The following WWOX variants were observed in gnomAD, a reference collection of about 807,000 sequenced individuals.
WWOX encodes the protein WW domain containing oxidoreductase, also known as WW domain-containing oxidoreductase.
In WWOX, 69 loss-of-function variants were observed where a neutral mutation model predicts 46.2. The observed-to-expected ratio is 1.49, with a 90% CI of 1.23 to 1.82. WWOX has a LOEUF of 1.82. Ranked by LOEUF, WWOX falls within the 40% of genes most tolerant of loss-of-function variation. The pLI, the probability that WWOX is intolerant of heterozygous loss-of-function variation, is 0.00. For missense variants in WWOX, 919 were observed against 542.6 expected (o/e 1.69, Z -6.89); for synonymous variants, 359 against 202.6 (o/e 1.77, Z -6.56).
At chr16:78,427,265 C>CT (rs1405849197) in intron 7 of WWOX, among the ~76,000 whole-genome samples, 28 of 152,166 alleles carry the variant, frequency 1.8e-4, no homozygotes, top group Non-Finnish European at 4.1e-4. Context: ...TACTAGACTG[C>CT]TCCAAGGCAA....
In WWOX at chr16:78,967,847, T is replaced by A. The variant is rs150110366; in HGVS notation, c.1057-243761T>A. ...GGGAGAGGATGGGAGTGATGCCACATAAATCAACTCTGTTGCAGCCTCCGG... is the reference window on the plus strand; with the variant it reads ...GGGAGAGGATGGGAGTGATGCCACAAAAATCAACTCTGTTGCAGCCTCCGG... On this transcript the variant is annotated intron_variant, in intron 8 of 8. Coordinates refer to ENST00000566780, the MANE Select transcript of WWOX (RefSeq NM_016373.4). Among the ~76,000 whole-genome samples, 12 of 152,180 alleles carry A rather than the reference T, an allele frequency of 7.9e-5. No individual in the cohort carries two copies. The East Asian group carries it at 2.3e-3, about 30-fold the overall frequency.
chr16:78,224,111 T>TCCGTCTCCTGGGTTCACACCATTC lies in WWOX; in HGVS notation c.516+59822_516+59823insCCGTCTCCTGGGTTCACACCATTC, dbSNP rs2036976182. Among the ~76,000 whole-genome samples the TCCGTCTCCTGGGTTCACACCATTC allele has an allele frequency of 2.0e-5, 3 of 152,040 alleles. No homozygotes were observed. The East Asian group carries it at 5.8e-4, about 30-fold the overall frequency. ...CTCCGTCTCCTGGGTTCACACCATT[T>TCCGTCTCCTGGGTTCACACCATTC]TCCTGCCTCAGCCTCCCAAGTAGCT... On this transcript the variant is annotated intron_variant, in intron 5 of 8. Transcript: ENST00000566780.
At chr16:78,400,992 T>C (rs1284802208) in intron 6 of WWOX, among the ~76,000 whole-genome samples, 1 of 152,096 alleles carries the variant, frequency 6.6e-6, no homozygotes, top group Non-Finnish European at 1.5e-5. Flanking sequence ...CTGGCTAATT[T>C]TTATTTTTGT....
chr16:79,081,251 C>A (rs888928056), intron 8 of WWOX, among the ~76,000 whole-genome samples: 10 of 152,132 alleles, frequency 6.6e-5, no homozygotes, highest in Non-Finnish European at 1.5e-4. Context: ...GCAACTTCTG[C>A]CTCCCGTGTT....
chr16:78,838,271 A>C (rs1436585638), intron 8 of WWOX, among the ~76,000 whole-genome samples: 1 of 152,156 alleles, frequency 6.6e-6, no homozygotes, highest in African/African-American at 2.4e-5. Flanking sequence ...GCGTCAAAAA[A>C]AGACAGGGTA....
chr16:78,300,644 T>C (rs913571947), intron 5 of WWOX, among the ~76,000 whole-genome samples: 2 of 152,310 alleles, frequency 1.3e-5, no homozygotes, highest in Middle Eastern at 3.4e-3. Context: ...TTTCGGGAAA[T>C]GATTCATTAC....
chr16:79,117,786 C>T (rs1387208297), intron 8 of WWOX, among the ~76,000 whole-genome samples: 8 of 152,164 alleles, frequency 5.3e-5, no homozygotes, highest in Admixed American at 2.0e-4. Flanking sequence ...CCTCATGAAC[C>T]GACCTCTGCT....
intron 5 of WWOX, among the ~76,000 whole-genome samples, chr16:78,313,706 C>G (rs1405248551): frequency 6.6e-6 from 1 of 152,062 alleles, no homozygotes; most frequent in African/African-American, 2.4e-5. Context: ...GCTTTCTTCT[C>G]TGTCGATGTC....
chr16:78,518,970 T>C (rs1186659217), intron 8 of WWOX, among the ~76,000 whole-genome samples: 1 of 152,260 alleles, frequency 6.6e-6, no homozygotes, highest in Non-Finnish European at 1.5e-5. Context: ...AAAAACTTGC[T>C]TGTTTACTGT....
chr16:78,556,312 C>T (rs571052696), intron 8 of WWOX, among the ~76,000 whole-genome samples: 9 of 151,104 alleles, frequency 6.0e-5, no homozygotes, highest in South Asian at 2.1e-4. Context: ...AGACAGTCGG[C>T]GATTGGGAAC....
At chr16:79,117,893 G>T (rs1176858898) in intron 8 of WWOX, among the ~76,000 whole-genome samples, 1 of 152,192 alleles carries the variant, frequency 6.6e-6, no homozygotes, top group South Asian at 2.1e-4. Flanking sequence ...TTTGGCTTCA[G>T]GGAATGTTGT....
Position 78,623,866 on chromosome 16 carries a change from C to T in WWOX, c.1056+191114C>T, listed in dbSNP as rs190468619. The stretch of plus-strand genomic sequence containing the variant: ...GGACATTATTTAGACACACTTCCAC[C>T]TACAGAGTCACATATTGTATAGAAT... On this transcript the variant is annotated intron_variant, in intron 8 of 8. Transcript: ENST00000566780. 1.7e-3 allele frequency among the ~76,000 whole-genome samples: 262 copies of T among 152,244 alleles called. 1 individual carries two copies. The highest frequency in any genetic ancestry group is 6.1e-3 in the African/African-American group (254 of 41,538).
At chr16:79,149,454 C>T (rs1400491010) in intron 8 of WWOX, among the ~76,000 whole-genome samples, 1 of 152,004 alleles carries the variant, frequency 6.6e-6, no homozygotes, top group Non-Finnish European at 1.5e-5. Context: ...GATAGCTCAC[C>T]AACTTTTATT....
intron 8 of WWOX, among the ~76,000 whole-genome samples, chr16:78,942,433 T>C (rs190526117): frequency 6.6e-6 from 1 of 152,246 alleles, no homozygotes; most frequent in East Asian, 1.9e-4. Context: ...TAAAAATGTA[T>C]GACAGCAGTT....
intron 8 of WWOX, among the ~76,000 whole-genome samples, chr16:78,786,532 T>G (rs1405968890): frequency 2.0e-5 from 3 of 152,226 alleles, no homozygotes; most frequent in Non-Finnish European, 4.4e-5. Context: ...TATAATGTTT[T>G]TCTTTTAATT....
intron 5 of WWOX, among the ~76,000 whole-genome samples, chr16:78,200,045 C>T (rs943349672): frequency 2.0e-5 from 3 of 152,168 alleles, no homozygotes; most frequent in Non-Finnish European, 4.4e-5. Flanking sequence ...CTTTCAAAAG[C>T]TGTAGGAATG....
rs1366567184 is a variant in WWOX, at chr16:78,345,197, C to T, written c.517-41663C>T. Among the ~76,000 whole-genome samples the T allele has an allele frequency of 2.5e-5, 3 of 117,770 alleles. 1 individual carries two copies. Among genetic ancestry groups the T allele is most frequent in the African/African-American group, 8.6e-5 (3 of 34,782 alleles). 77.3% of individuals were successfully genotyped at this position (117,770 alleles called of 152,430 possible). ...GGTATACAGAGTGCAGGCCTCAGAA[C>T]TGCAGAACATCTGCACAATCTCCAG... On this transcript the variant is annotated intron_variant, in intron 5 of 8. Transcript: ENST00000566780.
In WWOX at chr16:79,082,607, G is replaced by A. The variant is rs6564644; in HGVS notation, c.1057-129001G>A. On this transcript the variant is annotated intron_variant, in intron 8 of 8. Transcript: ENST00000566780. ...ATGAAACACAGCCCGCCAGAAAGTC[G>A]CGAGTGTTTTGATTTCATCCTATAC... Among the ~76,000 whole-genome samples the A allele has an allele frequency of 2.0e-4, 31 of 152,054 alleles. No individual in the cohort carries two copies. In the South Asian group the frequency reaches 5.8e-3, roughly 28 times the overall value.
chr16:79,025,999 C>G (rs57683261), intron 8 of WWOX, among the ~76,000 whole-genome samples: 1 of 150,326 alleles, frequency 6.7e-6, no homozygotes, highest in Non-Finnish European at 1.5e-5. Flanking sequence ...TGGGTTTTAG[C>G]CATGTTGTGC....
Sources: gnomAD v4.1 joint callset for allele counts (sites outside exome capture counted in the v4.1 genomes callset) on GRCh38, gnomAD v4.1.1 for gene constraint, MANE v1.5 for transcripts, NCBI Gene and HGNC (gene_info 2026-07-23, HGNC 2026-07-21) for gene names.